SCAI: variants seen among roughly 807,000 people sequenced by gnomAD.
The protein encoded by SCAI is protein SCAI.
In SCAI, 24 loss-of-function variants were observed where a neutral mutation model predicts 92.2. That is an observed-to-expected ratio of 0.26 (90% confidence interval 0.19 to 0.37). The LOEUF (loss-of-function observed/expected upper bound fraction) is 0.37. Among genes scored for constraint, SCAI ranks in the 10% least tolerant of loss-of-function variants. SCAI has a pLI of 1.00. For synonymous variants in SCAI, 261 were observed against 258.6 expected (o/e 1.01, Z -0.09); for missense variants, 450 against 736.2 (o/e 0.61, Z 4.50).
chr9:124,967,428 G>A (rs1477978952), intron 17 of SCAI, among the ~76,000 whole-genome samples: 4 of 152,166 alleles, frequency 2.6e-5, no homozygotes, highest in Non-Finnish European at 5.9e-5. Context: ...CTACTTTGTG[G>A]CTGAACTACG....
intron 2 of SCAI, among the ~76,000 whole-genome samples, chr9:125,113,512 G>A (rs1454628677): frequency 6.6e-6 from 1 of 151,852 alleles, no homozygotes; most frequent in Non-Finnish European, 1.5e-5. Context: ...ATTAGGTAAA[G>A]ACTAAAGAAA....
rs183566862 is a variant in SCAI, at chr9:125,033,524, T to C, written c.231-3785A>G. On this transcript the variant is annotated intron_variant, in intron 3 of 17. Coordinates refer to ENST00000336505, the MANE Select transcript of SCAI (RefSeq NM_001144877.3). The stretch of plus-strand genomic sequence containing the variant: ...CAACAGGTAGGCTGGAGTCAGTTTA[T>C]ACAGTTCAAGAGCATAAAGTCTTTC... Among the ~76,000 whole-genome samples the C allele has an allele frequency of 2.3e-3, 348 of 152,306 alleles. 2 individuals are homozygous for C. The highest frequency in any genetic ancestry group is 7.9e-3 in the African/African-American group (330 of 41,556).
At chr9:125,119,101 T>C (rs147682955) in intron 2 of SCAI, among the ~76,000 whole-genome samples, 1 of 152,284 alleles carries the variant, frequency 6.6e-6, no homozygotes, top group East Asian at 1.9e-4. Flanking sequence ...AGCCCACAAA[T>C]TGAAGACCAG....
intron 12 of SCAI, among the ~76,000 whole-genome samples, chr9:125,000,850 AGC>A (rs1212687763): frequency 6.6e-6 from 1 of 152,218 alleles, no homozygotes; most frequent in Non-Finnish European, 1.5e-5. Context: ...TTCTGAAGTT[AGC>A]CTTTTCCCAC....
chr9:125,116,096 A>C (rs1410184895), intron 2 of SCAI, among the ~76,000 whole-genome samples: 1 of 152,130 alleles, frequency 6.6e-6, no homozygotes, highest in Non-Finnish European at 1.5e-5. Context: ...GAGGCAGGAG[A>C]ATCGCTTGAA....
intron 2 of SCAI, among the ~76,000 whole-genome samples, chr9:125,132,064 T>C (rs1835412572): frequency 1.3e-5 from 2 of 152,120 alleles, no homozygotes; most frequent in South Asian, 4.1e-4. Context: ...TTCTTTGCAT[T>C]TCACTCAACA....
chr9:125,124,132 T>C (rs952701221), intron 2 of SCAI, among the ~76,000 whole-genome samples: 29 of 152,290 alleles, frequency 1.9e-4, no homozygotes, highest in African/African-American at 6.0e-4. Context: ...AAGCCAGTAA[T>C]GCAGAAGTTC....
intron 2 of SCAI, among the ~76,000 whole-genome samples, chr9:125,074,494 G>A (rs1834047564): frequency 6.7e-6 from 1 of 149,444 alleles, no homozygotes; most frequent in South Asian, 2.2e-4. Flanking sequence ...CTGACCTCAA[G>A]TGATCCGCCC....
At chr9:125,085,881 G>A (rs1308401408) in intron 2 of SCAI, among the ~76,000 whole-genome samples, 1 of 152,184 alleles carries the variant, frequency 6.6e-6, no homozygotes, top group East Asian at 1.9e-4. Context: ...CAAGACTGCT[G>A]ACTGAGGATT....
chr9:125,004,760 TATATATATATA>T (rs1832451723), intron 9 of SCAI, among the ~76,000 whole-genome samples: 15 of 9,904 alleles, frequency 1.5e-3, no homozygotes, highest in South Asian at 2.5e-3. Context: ...TATATATATA[TATATATATATA>T]TATATATATT....
chr9:125,109,653 T>C (rs867155904), intron 2 of SCAI, among the ~76,000 whole-genome samples: 9 of 147,942 alleles, frequency 6.1e-5, no homozygotes, highest in African/African-American at 1.5e-4. Context: ...AGGTTTCCAT[T>C]TATCTATCTA....
intron 17 of SCAI, among the ~76,000 whole-genome samples, chr9:124,956,074 A>G (rs948201632): frequency 2.6e-5 from 4 of 152,228 alleles, no homozygotes; most frequent in Non-Finnish European, 5.9e-5. Context: ...ACATGAAGAC[A>G]TTACGAGAAA....
chr9:124,966,225 C>G (rs894430746), intron 17 of SCAI, among the ~76,000 whole-genome samples: 1 of 133,486 alleles, frequency 7.5e-6, no homozygotes, highest in South Asian at 2.9e-4. Context: ...TATCCCTCCC[C>G]CCTCCCCCGA....
At chr9:125,061,778 GAAGAA>G (rs911410348) in intron 2 of SCAI, among the ~76,000 whole-genome samples, 20 of 151,188 alleles carry the variant, frequency 1.3e-4, no homozygotes, top group Admixed American at 5.9e-4. Context: ...GAAATGAAAC[GAAGAA>G]AAGAAAAGAA....
chr9:125,068,943 C>T (rs368185025), intron 2 of SCAI, among the ~76,000 whole-genome samples: 7 of 151,428 alleles, frequency 4.6e-5, no homozygotes, highest in African/African-American at 1.5e-4. Context: ...TGACCAGGCG[C>T]GGTGCCTCAC....
chr9:125,017,374 C>T (rs1464146680), intron 9 of SCAI, among the ~76,000 whole-genome samples: 1 of 151,338 alleles, frequency 6.6e-6, no homozygotes, highest in Non-Finnish European at 1.5e-5. Flanking sequence ...AGAAAAATAC[C>T]GAGCCTTAAG....
chr9:125,061,235 T>C (rs1261529197), intron 2 of SCAI, among the ~76,000 whole-genome samples: 1 of 151,946 alleles, frequency 6.6e-6, no homozygotes, highest in Non-Finnish European at 1.5e-5. Flanking sequence ...AGGCGGAGCT[T>C]GTAATGAGCA....
At chr9:125,111,916 AC>A (rs1459025856) in intron 2 of SCAI, among the ~76,000 whole-genome samples, 3 of 152,228 alleles carry the variant, frequency 2.0e-5, no homozygotes, top group African/African-American at 4.8e-5. Context: ...AGAAAGCTGC[AC>A]AGAGAGAAAA....
chr9:124,974,660 A>G (rs1337980727), intron 15 of SCAI, among the ~76,000 whole-genome samples: 1 of 152,180 alleles, frequency 6.6e-6, no homozygotes, highest in Non-Finnish European at 1.5e-5. Context: ...GTAACTGAAC[A>G]ATTAATTTAA....
Sources: allele counts gnomAD v4.1 joint callset (sites outside exome capture counted in the v4.1 genomes callset), GRCh38; gene constraint gnomAD v4.1.1; transcripts MANE v1.5; gene names NCBI Gene and HGNC (gene_info 2026-07-23, HGNC 2026-07-21).